The following GLS variants were observed in gnomAD, a reference collection of about 807,000 sequenced individuals.
GLS encodes the protein glutaminase kidney isoform, mitochondrial.
Under a neutral mutation model 86.7 loss-of-function variants are expected in GLS, and 36 were observed. That is an observed-to-expected ratio of 0.42 (90% CI 0.32 to 0.55). The LOEUF (loss-of-function observed/expected upper bound fraction) is 0.55, where lower values mean the gene tolerates loss of function less well. Ranked by LOEUF, GLS falls within the 20% of genes least tolerant of loss-of-function variation. The pLI is 0.17. For synonymous variants in GLS, 317 were observed against 305.9 expected (o/e 1.04, Z -0.38); for missense variants, 528 against 833.4 (o/e 0.63, Z 4.51).
rs1485613005 is a variant in GLS at position 190,953,948 on chromosome 2, ATATG to A, written c.1712+324_1712+327del. 6.7e-4 allele frequency among the ~76,000 whole-genome samples: 73 copies of A among 108,842 alleles called. No individual in the cohort carries two copies. Among genetic ancestry groups the A allele is most frequent in the Admixed American group, 1.1e-3 (11 of 10,078 alleles). The allele number at this position is 108,842 out of a possible 152,430, so 71.4% of individuals were successfully genotyped here. A position where few individuals can be genotyped will look rare whatever the true frequency, so the allele number is the denominator to read the frequency against. ...GTCTACCCTCCATTCCCAATCTTTG[ATATG>A]TGTGTGTGTGTGTGTGTGTGTGTGT... On this transcript the variant is annotated intron_variant, in intron 15 of 17. Transcript: ENST00000320717. This position sits in a 1 kb window ranked among gnomAD's most constrained non-coding sequence, Gnocchi z 4.0.
chr2:190,928,968 C>T (rs1374420782), intron 12 of GLS, among the ~76,000 whole-genome samples: 2 of 62,182 alleles, frequency 3.2e-5, no homozygotes, highest in East Asian at 5.3e-4. Flanking sequence ...TGGTATACTT[C>T]TTTTATTTTT....
chr2:190,936,176 A>T (rs569619334), intron 14 of GLS, among the ~76,000 whole-genome samples: 32 of 151,200 alleles, frequency 2.1e-4, no homozygotes, highest in Admixed American at 1.8e-3. Flanking sequence ...TTTTTAAAAA[A>T]TTTATTTGAA....
At chr2:190,927,942 A>G (rs1456626207) in intron 12 of GLS, among the ~76,000 whole-genome samples, 1 of 152,138 alleles carries the variant, frequency 6.6e-6, no homozygotes, top group Non-Finnish European at 1.5e-5. Context: ...GCCACTTGTA[A>G]AGTATATAGA....
chr2:190,911,586 T>C (rs1040827170), intron 7 of GLS, among the ~76,000 whole-genome samples: 1 of 152,110 alleles, frequency 6.6e-6, no homozygotes. Flanking sequence ...GTAGCTTACT[T>C]TGTAGTGTGG....
At chr2:190,902,696 A>T (rs1200592355) in intron 5 of GLS, among the ~76,000 whole-genome samples, 1 of 152,194 alleles carries the variant, frequency 6.6e-6, no homozygotes, top group Non-Finnish European at 1.5e-5. Flanking sequence ...TTCAAGAATG[A>T]CCGTGTTCAT....
chr2:190,911,588 G>C (rs1480703195), intron 7 of GLS, among the ~76,000 whole-genome samples: 1 of 152,112 alleles, frequency 6.6e-6, no homozygotes, highest in Non-Finnish European at 1.5e-5. Flanking sequence ...AGCTTACTTT[G>C]TAGTGTGGGA....
rs572243226 is a variant in GLS at position 190,900,639 on chromosome 2, T to C, written c.681T>C (p.Phe227=). 10 of 1,605,126 alleles carry C rather than the reference T, an allele frequency of 6.2e-6. No individual in the cohort carries two copies. The South Asian group carries it at 8.8e-5, about 14-fold the overall frequency. Residue 227 remains phenylalanine (F), a synonymous_variant, in exon 4 of 18, where the codon TTT becomes TTC. Transcript: ENST00000320717. ...RKFVIPDFMS[F]TSHIDELYES... is the part of the protein sequence containing the mutation. ...TTGTGATTCCTGACTTTATGTCTTT[T>C]ACCTCACACATTGATGAGTTATATG...
intron 3 of GLS, among the ~76,000 whole-genome samples, chr2:190,898,244 A>G (rs1027149600): frequency 7.2e-5 from 11 of 152,222 alleles, no homozygotes; most frequent in Admixed American, 5.9e-4. Context: ...TTTGTGAGAA[A>G]TGTTTTGTCA....
intron 4 of GLS, 113 bp downstream of exon 4, chr2:190,900,806 G>T: frequency 1.5e-6 from 1 of 678,886 alleles, no homozygotes; most frequent in South Asian, 2.3e-5. Context: ...AAACACTTTA[G>T]CTTCGCTTAA....
rs1690797951 is a variant in GLS at position 190,954,149 on chromosome 2, A to G, written c.1713-435A>G. On this transcript the variant is annotated intron_variant, in intron 15 of 17. Transcript: ENST00000320717. This position sits in a 1 kb window ranked among gnomAD's most constrained non-coding sequence, Gnocchi z 4.0. ...AAATAACTGATTTTCAAAGTGGAAAAATGTCTGTGCTTCCCCCCCTTGTTT... is the reference window on the plus strand; with the variant it reads ...AAATAACTGATTTTCAAAGTGGAAAGATGTCTGTGCTTCCCCCCCTTGTTT... Among the ~76,000 whole-genome samples the G allele has an allele frequency of 6.6e-6, 1 of 151,888 alleles. No homozygotes were observed. The highest frequency in any genetic ancestry group is 2.4e-5 in the African/African-American group (1 of 41,322).
chr2:190,885,173 C>G (rs553629847), intron 1 of GLS, among the ~76,000 whole-genome samples: 14 of 151,916 alleles, frequency 9.2e-5, no homozygotes, highest in African/African-American at 3.1e-4. Context: ...AGAAAATCAT[C>G]GAGGTGTATA....
intron 14 of GLS, among the ~76,000 whole-genome samples, chr2:190,942,067 CTTTTTTTTTTTTTTTTTT>C (rs3036653): frequency 2.6e-5 from 1 of 38,054 alleles, no homozygotes; most frequent in East Asian, 1.1e-3. Context: ...ACTTTGAAGA[CTTTTTTTTTTTTTTTTTT>C]TTTTTTTTTT....
rs142693004 is a variant in GLS, at chr2:190,964,737, C to G, written c.*1751C>G. The G allele has an allele frequency of 6.6e-6, 1 of 152,274 alleles. No homozygotes were observed. Among genetic ancestry groups the G allele is most frequent in the Non-Finnish European group, 1.5e-5 (1 of 68,028 alleles). 9.4% of individuals were successfully genotyped at this position (152,274 alleles called of 1,614,324 possible). On this transcript the variant is annotated 3_prime_UTR_variant, in exon 18 of 18. Coordinates refer to ENST00000320717, the MANE Select transcript of GLS (RefSeq NM_014905.5). The surrounding 1 kb of genome is among the most constrained non-coding windows in gnomAD (Gnocchi z 5.2). ...CAGGTAGCATTTGTAAGATGCTGCA[C>G]AGGAGCAGCATTATCCCCAAAGATA...
rs1276313437 is a variant in GLS, at chr2:190,955,320, T to G, written c.1853+502T>G. ...CAGGCCCTGGTGTGTGATGTTCCCC[T>G]CCCTGTGTCCATGTGTTCTCACTGT... On this transcript the variant is annotated intron_variant, in intron 17 of 17. Coordinates refer to ENST00000320717, the MANE Select transcript of GLS (RefSeq NM_014905.5). The surrounding 1 kb of genome is among the most constrained non-coding windows in gnomAD (Gnocchi z 5.6). Among the ~76,000 whole-genome samples the G allele has an allele frequency of 1.3e-5, 2 of 152,132 alleles. No individual in the cohort carries two copies. The highest frequency in any genetic ancestry group is 2.9e-5 in the Non-Finnish European group (2 of 68,010).
Position 190,927,456 on chromosome 2 carries a change from G to T in GLS, c.1399G>T (p.Asp467Tyr). The change falls in exon 12 of 18, where the codon GAC becomes TAC. Residue 467 changes from aspartate to tyrosine, a missense_variant. Physicochemically the swap from Asp to Tyr is radical, Grantham distance 160 (BLOSUM62 -3). This residue lies in a region of GLS where 163 missense variants were observed against 429.2 expected (regional missense o/e 0.38). Transcript: ENST00000320717. ...LSLMHSCGMYDFSGQFAFHVG... is the reference protein window; with the variant it reads ...LSLMHSCGMYYFSGQFAFHVG... ...TTTGATGCATTCCTGTGGCATGTAT[G>T]ACTTCTCAGGGCAGTTTGCTTTCCA... is the stretch of plus-strand genomic sequence containing the variant. 2 of 1,612,058 alleles carry T rather than the reference G, an allele frequency of 1.2e-6. No homozygotes were observed. Among genetic ancestry groups the T allele is most frequent in the South Asian group, 2.2e-5 (2 of 90,822 alleles).
rs940021852 is a variant in GLS at position 190,964,390 on chromosome 2, G to C, written c.*1404G>C. On this transcript the variant is annotated 3_prime_UTR_variant, in exon 18 of 18. Transcript: ENST00000320717. The surrounding 1 kb of genome is among the most constrained non-coding windows in gnomAD (Gnocchi z 5.2). ...GCTGTGTTTAGTGAAATGAGCTCAA[G>C]TACATGAATGTTAGTTGTTATCACA... 1 of 146,786 alleles carries C rather than the reference G, an allele frequency of 6.8e-6. No individual in the cohort carries two copies. Among genetic ancestry groups the C allele is most frequent in the Non-Finnish European group, 1.5e-5 (1 of 65,706 alleles). 9.1% of individuals were successfully genotyped at this position (146,786 alleles called of 1,614,324 possible).
chr2:190,925,968 TC>T (rs1689883070), intron 11 of GLS, among the ~76,000 whole-genome samples: 1 of 152,176 alleles, frequency 6.6e-6, no homozygotes, highest in Non-Finnish European at 1.5e-5. Flanking sequence ...ATGAATTTTT[TC>T]CGTAAGTTTC....
chr2:190,934,620 C>T, intron 14 of GLS: 1 of 984,398 alleles, frequency 1.0e-6, no homozygotes, highest in South Asian at 4.7e-5. Flanking sequence ...CCCCTATGAT[C>T]TAAATTGTTA....
intron 12 of GLS, among the ~76,000 whole-genome samples, chr2:190,929,882 CTG>C (rs1274949364): frequency 1.3e-5 from 2 of 148,908 alleles, no homozygotes; most frequent in African/African-American, 5.0e-5. Context: ...GAGTCTCACT[CTG>C]TTGCCCAGGC....
Sources: allele counts gnomAD v4.1 joint callset (sites outside exome capture counted in the v4.1 genomes callset), GRCh38; gene constraint gnomAD v4.1.1; regional missense constraint gnomAD v4.1.1; non-coding constraint Gnocchi (gnomAD v3.1); transcripts MANE v1.5; gene names NCBI Gene and HGNC (gene_info 2026-07-23, HGNC 2026-07-21).